Variants in ZNF804B observed in about 807,000 individuals in gnomAD.
The protein encoded by ZNF804B is zinc finger protein 804B.
ZNF804B carries 80 observed loss-of-function variants against 101.4 expected under a neutral mutation model. That is an observed-to-expected ratio of 0.79 (90% CI 0.66 to 0.95). The LOEUF (loss-of-function observed/expected upper bound fraction) is 0.95. Among genes scored for constraint, ZNF804B ranks in the 40% least tolerant of loss-of-function variants. The pLI, the probability that ZNF804B is intolerant of heterozygous loss-of-function variation, is 0.00. For synonymous variants in ZNF804B, 622 were observed against 558.8 expected (o/e 1.11, Z -1.59); for missense variants, 1,673 against 1,561.9 (o/e 1.07, Z -1.20).
chr7:88,954,348 C>T (rs1397146906), intron 1 of ZNF804B, among the ~76,000 whole-genome samples: 3 of 151,586 alleles, frequency 2.0e-5, no homozygotes, highest in Admixed American at 1.3e-4. Flanking sequence ...TTTACTGTTA[C>T]TCTTAAAATA....
In ZNF804B at chr7:89,212,562, G is replaced by A. The variant is rs1011205552; in HGVS notation, c.109-5593G>A. 2.8e-4 allele frequency among the ~76,000 whole-genome samples: 42 copies of A among 152,176 alleles called. No individual in the cohort carries two copies. In the Middle Eastern group the frequency reaches 0.01, roughly 37 times the overall value. ...CAAAGAAGTACGCAGTGAAAGGTAA[G>A]GTAAGTACGCAGTGAAAGGTCAGGT... On this transcript the variant is annotated intron_variant, in intron 1 of 3. Transcript: ENST00000333190.
intron 1 of ZNF804B, among the ~76,000 whole-genome samples, chr7:88,900,302 G>T (rs1792369328): frequency 6.6e-6 from 1 of 151,616 alleles, no homozygotes; most frequent in Admixed American, 6.6e-5. Context: ...TACACATGAT[G>T]AACTATTCAG....
chr7:88,980,341 T>G (rs752715972), intron 1 of ZNF804B, among the ~76,000 whole-genome samples: 5 of 152,096 alleles, frequency 3.3e-5, no homozygotes, highest in Non-Finnish European at 5.9e-5. Flanking sequence ...GTTCATGTGT[T>G]CCTGGATGGT....
At chr7:88,797,159 T>A (rs1406205035) in intron 1 of ZNF804B, among the ~76,000 whole-genome samples, 1 of 152,136 alleles carries the variant, frequency 6.6e-6, no homozygotes, top group African/African-American at 2.4e-5. Flanking sequence ...GCCAAAATCC[T>A]TGGTATTATT....
chr7:88,791,626 C>G lies in ZNF804B; in HGVS notation c.108+31542C>G, dbSNP rs1157670026. On this transcript the variant is annotated intron_variant, in intron 1 of 3. Coordinates refer to ENST00000333190, the MANE Select transcript of ZNF804B (RefSeq NM_181646.5). ...GCCAGGCAGTGTGTTGAATATACCC[C>G]CTATTGCTACTTGTACACCCAGTGA... Among the ~76,000 whole-genome samples, 2 of 151,906 alleles carry G rather than the reference C, an allele frequency of 1.3e-5. 1 individual carries two copies. Among genetic ancestry groups the G allele is most frequent in the Admixed American group, 1.3e-4 (2 of 15,258 alleles).
At chr7:89,175,143 A>C (rs1340088482) in intron 1 of ZNF804B, among the ~76,000 whole-genome samples, 1 of 105,218 alleles carries the variant, frequency 9.5e-6, no homozygotes, top group Non-Finnish European at 2.3e-5. Flanking sequence ...TGCTCAATAA[A>C]TCTTTGCCCA....
chr7:89,114,042 G>C (rs1404999236), intron 1 of ZNF804B, among the ~76,000 whole-genome samples: 1 of 152,024 alleles, frequency 6.6e-6, no homozygotes, highest in Non-Finnish European at 1.5e-5. Context: ...CAATTAATAA[G>C]TAAACAGAAG....
intron 1 of ZNF804B, among the ~76,000 whole-genome samples, chr7:89,108,271 G>C (rs1314885044): frequency 6.6e-6 from 1 of 150,436 alleles, no homozygotes; most frequent in Non-Finnish European, 1.5e-5. Context: ...ATGATAGGTG[G>C]CTTTTATCTC....
At chr7:89,298,256 A>ATG (rs1790420292) in intron 2 of ZNF804B, among the ~76,000 whole-genome samples, 1 of 119,070 alleles carries the variant, frequency 8.4e-6, no homozygotes, top group Non-Finnish European at 1.7e-5. Flanking sequence ...ATATATATAT[A>ATG]TACTTTAAGT....
At chr7:89,196,108 G>A (rs1213670820) in intron 1 of ZNF804B, among the ~76,000 whole-genome samples, 1 of 152,186 alleles carries the variant, frequency 6.6e-6, no homozygotes, top group Non-Finnish European at 1.5e-5. Context: ...ACAATCCTAA[G>A]TGTAAAGAAC....
At chr7:89,119,241 T>C (rs1790362254) in intron 1 of ZNF804B, among the ~76,000 whole-genome samples, 1 of 152,220 alleles carries the variant, frequency 6.6e-6, no homozygotes, top group Non-Finnish European at 1.5e-5. Flanking sequence ...TAAAAATTAT[T>C]GATGGCTTAG....
intron 1 of ZNF804B, among the ~76,000 whole-genome samples, chr7:89,123,314 A>G (rs1790432268): frequency 6.6e-6 from 1 of 152,162 alleles, no homozygotes; most frequent in Admixed American, 6.5e-5. Context: ...CATGTCTGCT[A>G]TCCTCAAGAC....
intron 1 of ZNF804B, among the ~76,000 whole-genome samples, chr7:88,913,121 G>C (rs1038299539): frequency 2.0e-5 from 3 of 152,078 alleles, no homozygotes; most frequent in African/African-American, 7.2e-5. Flanking sequence ...GGCAAAGAGT[G>C]ATATCTAGTG....
intron 2 of ZNF804B, among the ~76,000 whole-genome samples, chr7:89,284,658 G>T (rs956359468): frequency 6.6e-6 from 1 of 152,098 alleles, no homozygotes; most frequent in South Asian, 2.1e-4. Context: ...ACTTTTATGT[G>T]GGGGCAGGAT....
chr7:88,993,727 G>A (rs1261242764), intron 1 of ZNF804B, among the ~76,000 whole-genome samples: 1 of 151,906 alleles, frequency 6.6e-6, no homozygotes, highest in Non-Finnish European at 1.5e-5. Flanking sequence ...ATAACTACAG[G>A]ATCTCACTAG....
chr7:88,878,726 A>G (rs1791988394), intron 1 of ZNF804B, among the ~76,000 whole-genome samples: 1 of 152,214 alleles, frequency 6.6e-6, no homozygotes, highest in Admixed American at 6.5e-5. Context: ...CTTTTAACTA[A>G]TACAAATGCA....
intron 1 of ZNF804B, among the ~76,000 whole-genome samples, chr7:89,078,814 CCTT>C (rs1297523202): frequency 1.3e-5 from 2 of 151,814 alleles, no homozygotes; most frequent in Non-Finnish European, 2.9e-5. Flanking sequence ...TTCTAACCTC[CCTT>C]CTTCTTTCTT....
chr7:89,257,731 C>T (rs1789656000), intron 2 of ZNF804B, among the ~76,000 whole-genome samples: 1 of 152,162 alleles, frequency 6.6e-6, no homozygotes, highest in Non-Finnish European at 1.5e-5. Context: ...GAGCATAGTA[C>T]CTAATAGGTA....
At chr7:88,797,820 A>G (rs558958559) in intron 1 of ZNF804B, among the ~76,000 whole-genome samples, 1 of 152,110 alleles carries the variant, frequency 6.6e-6, no homozygotes, top group Non-Finnish European at 1.5e-5. Flanking sequence ...CTTCATTTAC[A>G]TATTTTTATT....
Sources: allele counts gnomAD v4.1 joint callset (sites outside exome capture counted in the v4.1 genomes callset), GRCh38; gene constraint gnomAD v4.1.1; transcripts MANE v1.5; gene names NCBI Gene and HGNC (gene_info 2026-07-23, HGNC 2026-07-21).